The following PRR16 variants were observed in gnomAD, a reference collection of about 807,000 sequenced individuals.
The protein encoded by PRR16 is proline rich 16, also known as protein Largen.
Under a neutral mutation model 18.2 loss-of-function variants are expected in PRR16, and 6 were observed. That is an observed-to-expected ratio of 0.33 (90% CI 0.18 to 0.65). The LOEUF is 0.65. PRR16 is among the 30% of genes least tolerant of loss of function. PRR16 has a pLI of 0.74. For synonymous variants in PRR16, 151 were observed against 147.8 expected (o/e 1.02, Z -0.16); for missense variants, 412 against 376.6 (o/e 1.09, Z -0.78).
chr5:120,651,633 G>A (rs925301160), intron 1 of PRR16, among the ~76,000 whole-genome samples: 4 of 151,926 alleles, frequency 2.6e-5, no homozygotes, highest in Admixed American at 2.0e-4. Flanking sequence ...AAGATCAGAT[G>A]GTTGTAGATA....
the PRR16 span, among the ~76,000 whole-genome samples, chr5:120,768,866 C>G: frequency 6.6e-6 from 1 of 151,694 alleles, no homozygotes; most frequent in Admixed American, 6.6e-5. Flanking sequence ...AGTGGATATA[C>G]TTTTATGTAT....
the PRR16 span, among the ~76,000 whole-genome samples, chr5:120,748,344 C>A: frequency 1.3e-5 from 2 of 152,042 alleles, no homozygotes; most frequent in Non-Finnish European, 2.9e-5. Context: ...TTACTTTTGA[C>A]AAACTAATGC....
chr5:120,554,075 A>T (rs185745784), intron 1 of PRR16, among the ~76,000 whole-genome samples: 125 of 152,052 alleles, frequency 8.2e-4, no homozygotes, highest in African/African-American at 2.8e-3. Context: ...AATAGTAAAC[A>T]TACTGAAATT....
At chr5:120,781,512 T>A in the PRR16 span, 2 of 152,322 alleles carry the variant, frequency 1.3e-5, no homozygotes, top group East Asian at 3.9e-4. Flanking sequence ...CAGAGGTAAG[T>A]GCTCCTTTCC....
chr5:120,714,911 TCTTA>T, the PRR16 span, among the ~76,000 whole-genome samples: 3 of 152,056 alleles, frequency 2.0e-5, no homozygotes, highest in Non-Finnish European at 4.4e-5. Context: ...CACTACATGT[TCTTA>T]CTCATAAATG....
chr5:120,675,270 C>A (rs1015085574), intron 1 of PRR16, among the ~76,000 whole-genome samples: 33 of 152,304 alleles, frequency 2.2e-4, no homozygotes, highest in Middle Eastern at 6.8e-3. Flanking sequence ...TGCTGTTAAC[C>A]CGTACTCAGA....
chr5:120,482,278 G>A (rs1009666480), intron 1 of PRR16, among the ~76,000 whole-genome samples: 4 of 152,006 alleles, frequency 2.6e-5, no homozygotes, highest in East Asian at 1.9e-4. Flanking sequence ...CACTTTTCCC[G>A]CTTCTTCTCT....
the PRR16 span, among the ~76,000 whole-genome samples, chr5:120,791,512 G>A: frequency 6.7e-6 from 1 of 149,952 alleles, no homozygotes; most frequent in Admixed American, 6.6e-5. Flanking sequence ...ATAATAATTA[G>A]ATTAAAAAAA....
intron 1 of PRR16, among the ~76,000 whole-genome samples, chr5:120,664,714 T>G (rs1439704420): frequency 1.3e-5 from 2 of 151,700 alleles, no homozygotes; most frequent in South Asian, 4.2e-4. Context: ...AGTGTTTGGT[T>G]TTTTGTCCTT....
intron 1 of PRR16, among the ~76,000 whole-genome samples, chr5:120,606,551 A>G (rs1561570780): frequency 6.6e-6 from 1 of 151,990 alleles, no homozygotes; most frequent in African/African-American, 2.4e-5. Context: ...ATTATTAATG[A>G]TTTTTTTCAT....
At position 120,686,249 on chromosome 5, in the gene PRR16, C is replaced by T. The variant is rs573411989; in HGVS notation, c.455C>T (p.Thr152Ile). Residue 152 changes from threonine (T) to isoleucine (I), a missense_variant, in exon 2 of 2, where the codon ACC becomes ATC. By Grantham distance (89) the Thr-to-Ile change is moderately conservative. Coordinates refer to ENST00000407149, the MANE Select transcript of PRR16 (RefSeq NM_001300783.2). ...PTANPVKTNG[T>I]LLRNGGLPGG... ...GCCAATCCTGTAAAAACCAATGGCA[C>T]CCTTCTACGAAATGGAGGCTTACCA... The T allele has an allele frequency of 2.5e-6, 4 of 1,614,070 alleles. No homozygotes were observed. The highest frequency in any genetic ancestry group is 2.7e-5 in the African/African-American group (2 of 75,022).
chr5:120,568,871 A>C (rs1302681589), intron 1 of PRR16, among the ~76,000 whole-genome samples: 2 of 152,164 alleles, frequency 1.3e-5, no homozygotes, highest in Non-Finnish European at 2.9e-5. Context: ...TAGAAAAAAC[A>C]GTAAAATATT....
the PRR16 span, among the ~76,000 whole-genome samples, chr5:120,692,500 T>C: frequency 6.6e-6 from 1 of 152,148 alleles, no homozygotes; most frequent in African/African-American, 2.4e-5. Context: ...GCACCAAAGA[T>C]TGGTGCTTTG....
At chr5:120,751,101 C>G in the PRR16 span, among the ~76,000 whole-genome samples, 1 of 152,102 alleles carries the variant, frequency 6.6e-6, no homozygotes, top group African/African-American at 2.4e-5. Flanking sequence ...ATCCATCTTG[C>G]TGAAATGATG....
At chr5:120,653,097 A>C (rs978578645) in intron 1 of PRR16, among the ~76,000 whole-genome samples, 20 of 152,142 alleles carry the variant, frequency 1.3e-4, no homozygotes, top group African/African-American at 4.8e-4. Flanking sequence ...AAATTAATTC[A>C]TGCTATTATA....
At chr5:120,626,436 G>A (rs141182596) in intron 1 of PRR16, among the ~76,000 whole-genome samples, 7 of 152,106 alleles carry the variant, frequency 4.6e-5, no homozygotes, top group Non-Finnish European at 1.0e-4. Flanking sequence ...ATTATTGGTG[G>A]CCTAGGACTA....
intron 1 of PRR16, among the ~76,000 whole-genome samples, chr5:120,483,692 C>G (rs924920228): frequency 1.3e-5 from 2 of 151,904 alleles, no homozygotes; most frequent in Non-Finnish European, 2.9e-5. Flanking sequence ...ATAGTAAATT[C>G]ACAAATATAT....
chr5:120,740,534 A>T, the PRR16 span, among the ~76,000 whole-genome samples: 3 of 152,154 alleles, frequency 2.0e-5, no homozygotes, highest in Non-Finnish European at 2.9e-5. Flanking sequence ...AACTGACTAT[A>T]CATGTGTGGG....
chr5:120,532,526 G>A (rs1287415690), intron 1 of PRR16, among the ~76,000 whole-genome samples: 1 of 151,958 alleles, frequency 6.6e-6, no homozygotes, highest in Non-Finnish European at 1.5e-5. Flanking sequence ...TATGACATCA[G>A]ACTTTATAGC....
Sources: gnomAD v4.1 joint callset for allele counts (sites outside exome capture counted in the v4.1 genomes callset) on GRCh38, gnomAD v4.1.1 for gene constraint, MANE v1.5 for transcripts, NCBI Gene and HGNC (gene_info 2026-07-23, HGNC 2026-07-21) for gene names.